The following SPTB variants were observed in gnomAD, a reference collection of about 807,000 sequenced individuals.
The protein encoded by SPTB is spectrin beta, erythrocytic.
Under a neutral mutation model 256.2 loss-of-function variants are expected in SPTB, and 45 were observed. The ratio of observed to expected loss-of-function variants is 0.18; its 90% CI spans 0.14 to 0.23. The LOEUF is 0.23. Ranked by LOEUF, SPTB falls within the 10% of genes least tolerant of loss-of-function variation. The probability of loss-of-function intolerance (pLI) is 1.00; values close to 1 mark genes in which losing one functional copy is unlikely to be tolerated. For missense variants in SPTB, 2,715 were observed against 3,040.4 expected (o/e 0.89, Z 2.52); for synonymous variants, 1,231 against 1,243.1 (o/e 0.99, Z 0.21).
chr14:64,838,876 G>A (rs577105718), intron 1 of SPTB, among the ~76,000 whole-genome samples: 1 of 152,048 alleles, frequency 6.6e-6, no homozygotes, highest in Non-Finnish European at 1.5e-5. Context: ...ACTCACATCT[G>A]TAATCTCAGC....
At chr14:64,819,476 G>A (rs550916283) in intron 2 of SPTB, among the ~76,000 whole-genome samples, 1 of 152,310 alleles carries the variant, frequency 6.6e-6, no homozygotes, top group South Asian at 2.1e-4. Context: ...CGTTTCTTGG[G>A]CCTCCCATGT....
chr14:64,840,097 G>A (rs1050269088), intron 1 of SPTB, among the ~76,000 whole-genome samples: 1 of 152,242 alleles, frequency 6.6e-6, no homozygotes, highest in Non-Finnish European at 1.5e-5. Context: ...AACAAACTAA[G>A]ACTTAGAGAT....
intron 24 of SPTB, among the ~76,000 whole-genome samples, chr14:64,773,841 G>A (rs1427982367): frequency 6.6e-6 from 1 of 152,188 alleles, no homozygotes; most frequent in African/African-American, 2.4e-5. Flanking sequence ...GGCTCCCAGG[G>A]AAACCTCTGG....
chr14:64,833,842 G>C (rs2083483284), intron 1 of SPTB, among the ~76,000 whole-genome samples: 1 of 152,134 alleles, frequency 6.6e-6, no homozygotes, highest in South Asian at 2.1e-4. Flanking sequence ...GAGAAATGCA[G>C]AGTGCTGCTC....
chr14:64,786,044 G>A lies in SPTB; in HGVS notation c.3562-93C>T. The A allele has an allele frequency of 7.6e-7, 1 of 1,320,046 alleles. No homozygotes were observed. Among genetic ancestry groups the A allele is most frequent in the East Asian group, 2.3e-5 (1 of 43,460 alleles). 81.8% of individuals were successfully genotyped at this position (1,320,046 alleles called of 1,614,324 possible). A position where few individuals can be genotyped will look rare whatever the true frequency, so the allele number is the denominator to read the frequency against. On this transcript the variant is annotated intron_variant, in intron 16 of 35. Transcript: ENST00000644917. The surrounding 1 kb of genome is among the most constrained non-coding windows in gnomAD (Gnocchi z 5.6). ...TGGGAGCACCACGTGCAGCCACACA[G>A]GCCACGGTATGAATGAGCCCCCTAG...
chr14:64,855,007 C>A (rs1172601044), intron 1 of SPTB, among the ~76,000 whole-genome samples: 1 of 152,148 alleles, frequency 6.6e-6, no homozygotes, highest in Non-Finnish European at 1.5e-5. Flanking sequence ...GGGGCCCTTG[C>A]CCTTAATTTA....
rs1335145370 is a variant in SPTB, at chr14:64,844,413, G to T, written c.-51-21268C>A. On this transcript the variant is annotated intron_variant, in intron 1 of 35. Transcript: ENST00000644917. This position sits in a 1 kb window ranked among gnomAD's most constrained non-coding sequence, Gnocchi z 4.1. ...CATGTTTAGTGAGTACTTAGAACAT[G>T]TGAGGCACCATGCTAAGTGCCTGAC... Among the ~76,000 whole-genome samples, 1 of 152,188 alleles carries T rather than the reference G, an allele frequency of 6.6e-6. No individual in the cohort carries two copies. The highest frequency in any genetic ancestry group is 6.5e-5 in the Admixed American group (1 of 15,278).
intron 24 of SPTB, 133 bp from the exon 25 acceptor site, chr14:64,773,557 C>T (rs2082311196): frequency 1.0e-6 from 1 of 973,614 alleles, no homozygotes; most frequent in East Asian, 2.4e-5. Flanking sequence ...GGAGAAATGA[C>T]AGGGGCTTTG....
intron 1 of SPTB, among the ~76,000 whole-genome samples, chr14:64,850,600 C>T (rs970544430): frequency 1.3e-5 from 2 of 152,130 alleles, no homozygotes; most frequent in East Asian, 1.9e-4. Context: ...GCCTCTTGTC[C>T]GCCCAACAAT....
In SPTB at chr14:64,793,185, C is replaced by T. The variant is rs1594782190; in HGVS notation, c.2478G>A (p.Leu826=). Residue 826 remains leucine (L), a synonymous_variant, in exon 14 of 36, where the codon CTG becomes CTA. Transcript: ENST00000644917. The surrounding 1 kb of genome is among the most constrained non-coding windows in gnomAD (Gnocchi z 7.0). ...SPDVTHRLQA[L]RELYQQVVAQ... Reference sequence around the variant, plus strand: ...CCACCACCTGTTGGTAGAGCTCCCGCAGGGCCTGCAGCCGATGGGTCACAT... The same window carrying T: ...CCACCACCTGTTGGTAGAGCTCCCGTAGGGCCTGCAGCCGATGGGTCACAT... 2 of 1,613,532 alleles carry T rather than the reference C, an allele frequency of 1.2e-6. No homozygotes were observed. The highest frequency in any genetic ancestry group is 2.2e-5 in the East Asian group (1 of 44,888).
At chr14:64,871,484 G>C (rs1194525094) in intron 1 of SPTB, among the ~76,000 whole-genome samples, 1 of 152,200 alleles carries the variant, frequency 6.6e-6, no homozygotes, top group Non-Finnish European at 1.5e-5. Flanking sequence ...GGTGTTATAT[G>C]ATGAACACAG....
At chr14:64,879,161 C>A (rs1214144670) in intron 1 of SPTB, among the ~76,000 whole-genome samples, 1 of 152,202 alleles carries the variant, frequency 6.6e-6, no homozygotes, top group African/African-American at 2.4e-5. Flanking sequence ...GAGAGGAAGA[C>A]TAGGGGTCCT....
chr14:64,814,134 C>T (rs1005920522), intron 2 of SPTB, among the ~76,000 whole-genome samples: 1 of 152,082 alleles, frequency 6.6e-6, no homozygotes, highest in Admixed American at 6.5e-5. Context: ...AGAATAAAAC[C>T]CATAAGACTG....
intron 32 of SPTB, among the ~76,000 whole-genome samples, chr14:64,766,055 GGTGT>G (rs2082173167): frequency 7.2e-6 from 1 of 139,704 alleles, no homozygotes. Context: ...GTGTGCGTGA[GGTGT>G]GTATGGGGGG....
In SPTB at chr14:64,786,012, T is replaced by C. The variant is rs2082559875; in HGVS notation, c.3562-61A>G. On this transcript the variant is annotated intron_variant, in intron 16 of 35. Transcript: ENST00000644917. This position sits in a 1 kb window ranked among gnomAD's most constrained non-coding sequence, Gnocchi z 5.6. The stretch of plus-strand genomic sequence containing the variant: ...ACACGGAGGAGGTGATGAGCACACC[T>C]CCCAAGTGGGAGCACCACGTGCAGC... The C allele has an allele frequency of 2.6e-6, 4 of 1,565,400 alleles. No individual in the cohort carries two copies. The East Asian group carries it at 9.0e-5, about 35-fold the overall frequency.
intron 1 of SPTB, among the ~76,000 whole-genome samples, chr14:64,836,379 T>C (rs2083522358): frequency 6.6e-6 from 1 of 152,154 alleles, no homozygotes; most frequent in Non-Finnish European, 1.5e-5. Flanking sequence ...ACAGATTAAA[T>C]GAAGTTATAT....
At position 64,793,394 on chromosome 14, in the gene SPTB, C is replaced by G; in HGVS notation, c.2269G>C (p.Ala757Pro). ...QFQGDADDLK[A>P]WLQDAHRLLS... Reference sequence around the variant, plus strand: ...AGCCGGTGGGCGTCTTGCAGCCAAGCCTTCAGGTCATCCGCATCGCCCTGG... The same window carrying G: ...AGCCGGTGGGCGTCTTGCAGCCAAGGCTTCAGGTCATCCGCATCGCCCTGG... The change falls in exon 14 of 36, where the codon GCT becomes CCT. Residue 757 changes from alanine (A) to proline (P), a missense_variant. Physicochemically the swap from Ala to Pro is conservative, Grantham distance 27. Around this residue, in one of 4 missense-constraint regions of SPTB, gnomAD observed 2,239 missense variants for 2,384.4 expected, o/e 0.94. Coordinates refer to ENST00000644917, the MANE Select transcript of SPTB (RefSeq NM_001355436.2). This position sits in a 1 kb window ranked among gnomAD's most constrained non-coding sequence, Gnocchi z 7.0. 1.2e-6 allele frequency: 2 copies of G among 1,613,256 alleles called. No individual in the cohort carries two copies. The highest frequency in any genetic ancestry group is 1.7e-6 in the Non-Finnish European group (2 of 1,180,016).
At position 64,775,150 on chromosome 14, in the gene SPTB, T is replaced by G. The variant is rs527302642; in HGVS notation, c.4817A>C (p.Tyr1606Ser). 2.5e-6 allele frequency: 4 copies of G among 1,613,970 alleles called. No homozygotes were observed. The Admixed American group carries it at 5.0e-5, about 20-fold the overall frequency. ...CTTGGGGATCTCATCGGAGATGACGTAGAGCTCCTGCTCGCCAATCCAGGC... is the reference window on the plus strand; with the variant it reads ...CTTGGGGATCTCATCGGAGATGACGGAGAGCTCCTGCTCGCCAATCCAGGC... ...AEAWIGEQEL[Y>S]VISDEIPKDE... Residue 1606 changes from tyrosine to serine, a missense_variant, in exon 23 of 36, where the codon TAC becomes TCC. Physicochemically the swap from Tyr to Ser is moderately radical, Grantham distance 144. Around this residue, in one of 4 missense-constraint regions of SPTB, gnomAD observed 2,239 missense variants for 2,384.4 expected, o/e 0.94. Transcript: ENST00000644917. The surrounding 1 kb of genome is among the most constrained non-coding windows in gnomAD (Gnocchi z 5.0).
rs2082684159 is a variant in SPTB at position 64,792,053 on chromosome 14, T to A, written c.2667-197A>T. ...TGGTTCATGGGTTTGATTTCATGAG[T>A]TAGCATTGCCTGGAACAGGCCGGGA... On this transcript the variant is annotated intron_variant, in intron 14 of 35. Coordinates refer to ENST00000644917, the MANE Select transcript of SPTB (RefSeq NM_001355436.2). The surrounding 1 kb of genome is among the most constrained non-coding windows in gnomAD (Gnocchi z 4.2). 6.6e-6 allele frequency among the ~76,000 whole-genome samples: 1 copy of A among 152,116 alleles called. No homozygotes were observed. Among genetic ancestry groups the A allele is most frequent in the African/African-American group, 2.4e-5 (1 of 41,412 alleles).
Sources: allele counts gnomAD v4.1 joint callset (sites outside exome capture counted in the v4.1 genomes callset), GRCh38; gene constraint gnomAD v4.1.1; regional missense constraint gnomAD v4.1.1; non-coding constraint Gnocchi (gnomAD v3.1); transcripts MANE v1.5; gene names NCBI Gene and HGNC (gene_info 2026-07-23, HGNC 2026-07-21).